The following IGSF11 variants were observed in gnomAD, a reference collection of about 807,000 sequenced individuals.
The protein encoded by IGSF11 is CXADR like 1.
IGSF11 carries 22 observed loss-of-function variants against 41.0 expected under a neutral mutation model. The ratio of observed to expected loss-of-function variants is 0.54; its 90% CI spans 0.38 to 0.77. IGSF11 has a LOEUF of 0.77. Ranked by LOEUF, IGSF11 falls within the 30% of genes least tolerant of loss-of-function variation. The pLI is 0.00. For missense variants in IGSF11, 444 were observed against 530.8 expected (o/e 0.84, Z 1.61); for synonymous variants, 219 against 201.3 (o/e 1.09, Z -0.74).
intron 1 of IGSF11, among the ~76,000 whole-genome samples, chr3:119,004,248 T>C (rs7430848): frequency 1.9e-4 from 29 of 151,558 alleles, no homozygotes; most frequent in African/African-American, 5.3e-4. Context: ...AGTTTATTTG[T>C]GTAGAGGTGT....
At chr3:119,048,291 C>T (rs1220843981) in intron 1 of IGSF11, among the ~76,000 whole-genome samples, 14 of 151,566 alleles carry the variant, frequency 9.2e-5, no homozygotes, top group East Asian at 3.9e-4. Context: ...ATCAAATAGA[C>T]GCAATAAAAA....
chr3:118,949,100 G>C (rs894771042), intron 1 of IGSF11: 2 of 151,446 alleles, frequency 1.3e-5, no homozygotes, highest in Admixed American at 6.6e-5. Flanking sequence ...GATACTCTTC[G>C]GCCCTGGTTC....
intron 1 of IGSF11, among the ~76,000 whole-genome samples, chr3:119,120,517 T>G (rs960790927): frequency 7.9e-5 from 12 of 152,182 alleles, no homozygotes; most frequent in African/African-American, 2.9e-4. Flanking sequence ...CAAGAAAAGG[T>G]CTCTGGTTTG....
intron 1 of IGSF11, among the ~76,000 whole-genome samples, chr3:119,119,768 G>A (rs2077307989): frequency 6.6e-6 from 1 of 152,174 alleles, no homozygotes; most frequent in Non-Finnish European, 1.5e-5. Context: ...AGCAGGTGGG[G>A]GAGGGGGGTT....
chr3:119,002,463 G>A lies in IGSF11; in HGVS notation c.52+32068C>T, dbSNP rs1937003906. Among the ~76,000 whole-genome samples, 3 of 143,184 alleles carry A rather than the reference G, an allele frequency of 2.1e-5. No homozygotes were observed. In the South Asian group the frequency reaches 6.9e-4, roughly 33 times the overall value. The allele number at this position is 143,184 out of a possible 152,430, so 93.9% of individuals were successfully genotyped here. ...TGGTACTTTCTTTTGCTGTGCAGAA[G>A]CTCTTTAGTTTAATTAGGTCCCATT... On this transcript the variant is annotated intron_variant, in intron 1 of 6. Coordinates refer to ENST00000393775, the MANE Select transcript of IGSF11 (RefSeq NM_001015887.3).
At chr3:119,036,041 ATGG>A (rs760802103), upstream of IGSF11, among the ~76,000 whole-genome samples, 6 of 152,214 alleles carry the variant, frequency 3.9e-5, no homozygotes, top group African/African-American at 1.4e-4. Context: ...AAATATCAAG[ATGG>A]TGGAGTTATG....
chr3:119,055,021 A>C (rs952157568), intron 1 of IGSF11, among the ~76,000 whole-genome samples: 1 of 152,164 alleles, frequency 6.6e-6, no homozygotes, highest in African/African-American at 2.4e-5. Context: ...GCGGTTCACC[A>C]ATATCCGTTG....
chr3:118,994,157 C>A (rs1390382501), intron 1 of IGSF11, among the ~76,000 whole-genome samples: 1 of 152,154 alleles, frequency 6.6e-6, no homozygotes, highest in East Asian at 1.9e-4. Flanking sequence ...TCCTATCAAC[C>A]TGTGTCTATA....
Position 118,902,824 on chromosome 3 carries a change from T to C in IGSF11, c.992A>G (p.Asn331Ser). 6 of 1,614,204 alleles carry C rather than the reference T, an allele frequency of 3.7e-6. No individual in the cohort carries two copies. Among genetic ancestry groups the C allele is most frequent in the Non-Finnish European group, 5.1e-6 (6 of 1,180,012 alleles). ...ACTGAAGTGGCTGACTGACTCTGTG[T>C]TTCTATGAACTTTTGGATTGTTGCT... is the stretch of plus-strand genomic sequence containing the variant. ...YWSNNPKVHR[N>S]TESVSHFSDL... The change falls in exon 7 of 7, where the codon AAC becomes AGC. Residue 331 changes from asparagine (N) to serine (S), a missense_variant. By Grantham distance (46) the Asn-to-Ser change is conservative (BLOSUM62 1). Transcript: ENST00000393775.
chr3:119,008,630 A>G (rs1207190975), intron 1 of IGSF11, among the ~76,000 whole-genome samples: 1 of 152,218 alleles, frequency 6.6e-6, no homozygotes, highest in Non-Finnish European at 1.5e-5. Flanking sequence ...ATAAGTCCAC[A>G]GAGTGTTCCT....
intron 1 of IGSF11, among the ~76,000 whole-genome samples, chr3:119,020,992 G>A (rs1251146581): frequency 2.0e-5 from 3 of 152,072 alleles, no homozygotes; most frequent in Non-Finnish European, 2.9e-5. Context: ...TATAGCATAG[G>A]TTCTCAACAG....
intron 5 of IGSF11, among the ~76,000 whole-genome samples, chr3:118,905,077 C>T (rs892878874): frequency 1.3e-5 from 2 of 152,174 alleles, no homozygotes; most frequent in Non-Finnish European, 2.9e-5. Context: ...AGGTAACAGA[C>T]AGCACCAATC....
intron 1 of IGSF11, among the ~76,000 whole-genome samples, chr3:119,127,053 T>C (rs1248109029): frequency 6.6e-6 from 1 of 152,032 alleles, no homozygotes; most frequent in Non-Finnish European, 1.5e-5. Context: ...AGAAGTAGGC[T>C]TTGGAAGATG....
intron 1 of IGSF11, among the ~76,000 whole-genome samples, chr3:118,978,902 G>A (rs530145814): frequency 6.6e-6 from 1 of 152,066 alleles, no homozygotes; most frequent in African/African-American, 2.4e-5. Flanking sequence ...ACCTGCAAGG[G>A]AACACGTTAT....
upstream of IGSF11, among the ~76,000 whole-genome samples, chr3:119,109,439 C>T (rs1428828629): frequency 6.6e-6 from 1 of 152,010 alleles, no homozygotes; most frequent in Non-Finnish European, 1.5e-5. Flanking sequence ...GGTGATATCC[C>T]CTTTATCATT....
intron 1 of IGSF11, among the ~76,000 whole-genome samples, chr3:118,963,431 C>A (rs1344100802): frequency 6.6e-6 from 1 of 152,056 alleles, no homozygotes; most frequent in Non-Finnish European, 1.5e-5. Context: ...GCACTGAGGG[C>A]AGAAATAATA....
At chr3:119,110,570 G>A (rs939479975) in intron 1 of IGSF11, among the ~76,000 whole-genome samples, 4 of 152,090 alleles carry the variant, frequency 2.6e-5, no homozygotes, top group Non-Finnish European at 5.9e-5. Flanking sequence ...TCTTTTAATT[G>A]GAGCATTTAG....
intron 1 of IGSF11, among the ~76,000 whole-genome samples, chr3:119,048,219 T>C (rs979845498): frequency 5.3e-5 from 8 of 152,048 alleles, no homozygotes; most frequent in South Asian, 2.1e-4. Context: ...GCTGGTTTTT[T>C]GAAAGGATCA....
chr3:118,998,461 T>G (rs952879819), intron 1 of IGSF11, among the ~76,000 whole-genome samples: 1 of 151,416 alleles, frequency 6.6e-6, no homozygotes, highest in Non-Finnish European at 1.5e-5. Flanking sequence ...CTCCAATACT[T>G]CAAAATCCAT....
Sources: gnomAD v4.1 joint callset for allele counts (sites outside exome capture counted in the v4.1 genomes callset) on GRCh38, gnomAD v4.1.1 for gene constraint, MANE v1.5 for transcripts, NCBI Gene and HGNC (gene_info 2026-07-23, HGNC 2026-07-21) for gene names.